The following DLGAP2 variants were observed in gnomAD, a reference collection of about 807,000 sequenced individuals.
The protein encoded by DLGAP2 is DLG associated protein 2.
DLGAP2 carries 26 observed loss-of-function variants against 100.3 expected under a neutral mutation model. The observed-to-expected ratio is 0.26, with a 90% confidence interval of 0.19 to 0.36. The LOEUF is 0.36. Ranked by LOEUF, DLGAP2 falls within the 10% of genes least tolerant of loss-of-function variation. The pLI, the probability that DLGAP2 is intolerant of heterozygous loss-of-function variation, is 1.00. For missense variants in DLGAP2, 1,858 were observed against 1,453.2 expected (o/e 1.28, Z -4.53); for synonymous variants, 886 against 630.1 (o/e 1.41, Z -6.08).
chr8:1,222,132 C>T (rs983637868), intron 2 of DLGAP2, among the ~76,000 whole-genome samples: 1 of 152,164 alleles, frequency 6.6e-6, no homozygotes, highest in Non-Finnish European at 1.5e-5. Context: ...CTAGAGCAGT[C>T]ATTTGGTTGT....
chr8:961,283 A>G (rs1799719389), intron 2 of DLGAP2, among the ~76,000 whole-genome samples: 2 of 152,190 alleles, frequency 1.3e-5, no homozygotes, highest in Non-Finnish European at 2.9e-5. Flanking sequence ...CAGTCATTCC[A>G]GAACTGTGTG....
intron 1 of DLGAP2, among the ~76,000 whole-genome samples, chr8:771,496 C>T (rs534532291): frequency 3.6e-4 from 55 of 152,340 alleles, no homozygotes; most frequent in African/African-American, 1.2e-3. Flanking sequence ...GGCCGGCTAG[C>T]TCTGTCACTA....
chr8:784,742 C>T (rs540115784), intron 1 of DLGAP2, among the ~76,000 whole-genome samples: 1 of 152,224 alleles, frequency 6.6e-6, no homozygotes, highest in African/African-American at 2.4e-5. Flanking sequence ...CACACGGGCC[C>T]ATGCCTGTGA....
intron 2 of DLGAP2, among the ~76,000 whole-genome samples, chr8:1,135,817 C>T (rs966095750): frequency 6.6e-6 from 1 of 152,170 alleles, no homozygotes; most frequent in African/African-American, 2.4e-5. Flanking sequence ...AGGAGATGTT[C>T]ATGATGACAA....
chr8:1,011,525 C>G (rs1326006247), intron 2 of DLGAP2, among the ~76,000 whole-genome samples: 1 of 149,718 alleles, frequency 6.7e-6, no homozygotes, highest in African/African-American at 2.5e-5. Flanking sequence ...ACAGTGAGCC[C>G]TGGAATGAGG....
intron 2 of DLGAP2, among the ~76,000 whole-genome samples, chr8:1,225,396 A>T (rs1232009873): frequency 6.6e-6 from 1 of 152,198 alleles, no homozygotes; most frequent in Non-Finnish European, 1.5e-5. Flanking sequence ...CAGATACAGA[A>T]CACCGAGGTA....
chr8:1,310,231 A>G (rs986904239), intron 3 of DLGAP2, among the ~76,000 whole-genome samples: 1 of 152,200 alleles, frequency 6.6e-6, no homozygotes, highest in African/African-American at 2.4e-5. Flanking sequence ...TAACTCCAAA[A>G]AAATCCACAA....
chr8:1,279,978 C>T (rs1172794974), intron 3 of DLGAP2, among the ~76,000 whole-genome samples: 1 of 152,104 alleles, frequency 6.6e-6, no homozygotes. Flanking sequence ...GTCTACTGTA[C>T]CAAGATGAAG....
chr8:947,528 C>G (rs1327861876), intron 2 of DLGAP2, among the ~76,000 whole-genome samples: 1 of 152,222 alleles, frequency 6.6e-6, no homozygotes. Flanking sequence ...CCTGTGGTGG[C>G]TGCAGGTTGC....
chr8:1,350,923 T>C (rs373487734), intron 3 of DLGAP2, among the ~76,000 whole-genome samples: 29 of 86,374 alleles, frequency 3.4e-4, no homozygotes, highest in African/African-American at 5.1e-4. Context: ...CCTGACTGTG[T>C]GTGGAAAGGC....
chr8:1,640,067 A>G (rs949322414), intron 8 of DLGAP2, among the ~76,000 whole-genome samples: 2 of 152,234 alleles, frequency 1.3e-5, no homozygotes, highest in African/African-American at 4.8e-5. Context: ...TTTGGTAAAT[A>G]CTGGTAGAGT....
chr8:903,177 A>G (rs886724321), intron 1 of DLGAP2, among the ~76,000 whole-genome samples: 42 of 152,070 alleles, frequency 2.8e-4, no homozygotes, highest in African/African-American at 9.9e-4. Context: ...GGACGTTTTT[A>G]TCCTTTGCTT....
chr8:1,262,970 G>A (rs896487680), intron 3 of DLGAP2, among the ~76,000 whole-genome samples: 1 of 152,162 alleles, frequency 6.6e-6, no homozygotes, highest in African/African-American at 2.4e-5. Flanking sequence ...TGGGAAGACA[G>A]ATAATGATGC....
intron 4 of DLGAP2, among the ~76,000 whole-genome samples, chr8:1,515,666 TACAC>T (rs1239292986): frequency 3.4e-5 from 5 of 147,334 alleles, no homozygotes; most frequent in Admixed American, 1.3e-4. Flanking sequence ...AATATACACA[TACAC>T]ATGTTGACAC....
intron 1 of DLGAP2, among the ~76,000 whole-genome samples, chr8:795,004 G>A (rs1795994544): frequency 1.3e-5 from 2 of 152,156 alleles, no homozygotes; most frequent in Non-Finnish European, 2.9e-5. Flanking sequence ...CTGTTTTGAG[G>A]TCCTCCATTT....
At chr8:1,699,034 C>T (rs1194874175) in intron 14 of DLGAP2, among the ~76,000 whole-genome samples, 2 of 152,218 alleles carry the variant, frequency 1.3e-5, no homozygotes, top group East Asian at 1.9e-4. Flanking sequence ...GTGTAAGCCA[C>T]GGTTTGGATC....
rs754618385 is a variant in DLGAP2 at position 1,678,352 on chromosome 8, C to G, written c.2427C>G (p.Pro809=). 122 of 1,613,912 alleles carry G rather than the reference C, an allele frequency of 7.6e-5. 1 individual carries two copies. The East Asian group carries it at 2.7e-3, about 35-fold the overall frequency. Reference sequence around the variant, plus strand: ...CATCCTTCCAGCGGCACTCCGAGCCCAGCACCCCCACCCAGTACAGCGCGG... The same window carrying G: ...CATCCTTCCAGCGGCACTCCGAGCCGAGCACCCCCACCCAGTACAGCGCGG... ...FGSSFQRHSE[P]STPTQYSAVR... is the part of the protein sequence containing the mutation. The change falls in exon 12 of 15, where the codon CCC becomes CCG. Residue 809 remains proline (P), a synonymous_variant. Coordinates refer to ENST00000637795, the MANE Select transcript of DLGAP2 (RefSeq NM_001346810.2).
At chr8:1,542,468 A>G (rs946143675) in intron 4 of DLGAP2, among the ~76,000 whole-genome samples, 3 of 152,236 alleles carry the variant, frequency 2.0e-5, no homozygotes, top group African/African-American at 4.8e-5. Flanking sequence ...TGTTCTGCAC[A>G]CTTCATATGA....
Position 1,548,772 on chromosome 8 carries a change from T to A in DLGAP2, c.319T>A (p.Cys107Ser). 2 of 1,596,990 alleles carry A rather than the reference T, an allele frequency of 1.3e-6. No individual in the cohort carries two copies. Among genetic ancestry groups the A allele is most frequent in the Non-Finnish European group, 1.7e-6 (2 of 1,174,424 alleles). The change falls in exon 5 of 15, where the codon TGC (cysteine) becomes AGC (serine). Residue 107 changes from cysteine to serine, a missense_variant. Physicochemically the swap from Cys to Ser is moderately radical, Grantham distance 112. Transcript: ENST00000637795. ...HTCGLAPPED[C>S]EHLHHGPDAR... is the part of the protein sequence containing the mutation. ...GTGTGGTCTGGCGCCCCCGGAGGAC[T>A]GCGAGCACCTGCACCACGGGCCCGA... is the stretch of plus-strand genomic sequence containing the variant.
Sources: allele counts gnomAD v4.1 joint callset (sites outside exome capture counted in the v4.1 genomes callset), GRCh38; gene constraint gnomAD v4.1.1; transcripts MANE v1.5; gene names NCBI Gene and HGNC (gene_info 2026-07-23, HGNC 2026-07-21).